Variants in POPDC2 observed in about 807,000 individuals in gnomAD.
POPDC2 encodes the protein popeye domain-containing protein 2.
Under a neutral mutation model 30.5 loss-of-function variants are expected in POPDC2, and 24 were observed. That is an observed-to-expected ratio of 0.79 (90% CI 0.57 to 1.11). POPDC2 has a LOEUF of 1.11. Among genes scored for constraint, POPDC2 ranks in the 50% least tolerant of loss-of-function variants. POPDC2 has a pLI of 0.00. For synonymous variants in POPDC2, 185 were observed against 183.3 expected, an observed-to-expected ratio of 1.01 and a Z score of -0.07; for missense variants, 409 against 447.0, an observed-to-expected ratio of 0.91 and a Z score of 0.77.
At chr3:119,654,675 C>A in intron 1 of POPDC2, 62 bp from the exon 2 acceptor site, 2 of 1,203,720 alleles carry the variant, frequency 1.7e-6, no homozygotes, top group Non-Finnish European at 2.5e-6. Context: ...GCCACCTATG[C>A]TGAAGTTAGG....
upstream of POPDC2, chr3:119,660,667 T>TACTCCCCCCCACA: frequency 4.4e-6 from 1 of 225,414 alleles, no homozygotes; most frequent in Non-Finnish European, 7.8e-6. Flanking sequence ...CCCCCCTCTC[T>TACTCCCCCCCACA]CCTCCCCACC....
At chr3:119,647,500 C>G (rs2052758639) in intron 3 of POPDC2, among the ~76,000 whole-genome samples, 2 of 152,232 alleles carry the variant, frequency 1.3e-5, no homozygotes, top group Non-Finnish European at 2.9e-5. Flanking sequence ...GAAAGCCAGG[C>G]TGCCATATAC....
At chr3:119,659,510 C>A (rs894544251) in intron 1 of POPDC2, among the ~76,000 whole-genome samples, 5 of 152,292 alleles carry the variant, frequency 3.3e-5, no homozygotes, top group African/African-American at 1.2e-4. Context: ...TGGTGCTTAG[C>A]AAATGTTGAA....
chr3:119,648,804 C>T (rs2107815984), intron 2 of POPDC2, 136 bp from the exon 3 acceptor site: 1 of 753,294 alleles, frequency 1.3e-6, no homozygotes, highest in Non-Finnish European at 2.1e-6. Flanking sequence ...CCTCTATGGC[C>T]TTGCCTGGAG....
Position 119,648,340 on chromosome 3 carries a change from C to A in POPDC2, c.929G>T (p.Cys310Phe). Residue 310 changes from cysteine to phenylalanine, a missense_variant, in exon 3 of 4, where the codon TGT becomes TTT. Transcript: ENST00000493094. ...TPTSLQQTPPCSTPPATTNFP... is the reference protein window; with the variant it reads ...TPTSLQQTPPFSTPPATTNFP... ...GTTGGTGGTAGCTGGAGGGGTAGAA[C>A]AAGGGGGTGTTTGCTGGAGAGAGGT... The A allele has an allele frequency of 1.2e-6, 2 of 1,614,028 alleles. No individual in the cohort carries two copies. Among genetic ancestry groups the A allele is most frequent in the Non-Finnish European group, 1.7e-6 (2 of 1,179,972 alleles).
At chr3:119,644,504 C>T (rs1205634595) in intron 3 of POPDC2, among the ~76,000 whole-genome samples, 2 of 152,124 alleles carry the variant, frequency 1.3e-5, no homozygotes, top group Admixed American at 6.5e-5. Context: ...CATAGTTTTG[C>T]CTATTAAGAG....
chr3:119,651,763 G>A (rs1203386079), intron 2 of POPDC2, among the ~76,000 whole-genome samples: 1 of 151,892 alleles, frequency 6.6e-6, no homozygotes, highest in Non-Finnish European at 1.5e-5. Flanking sequence ...AGCCTCCCGA[G>A]TAGCTGGGAT....
At position 119,652,793 on chromosome 3, in the gene POPDC2, C is replaced by G. The variant is rs144797831; in HGVS notation, c.600+1712G>C. Among the ~76,000 whole-genome samples the G allele has an allele frequency of 3.7e-3, 558 of 152,290 alleles. 8 individuals carry two copies. Among genetic ancestry groups the G allele is most frequent in the African/African-American group, 0.013 (530 of 41,556 alleles). On this transcript the variant is annotated intron_variant, in intron 2 of 3. Coordinates refer to ENST00000493094, the MANE Select transcript of POPDC2 (RefSeq NM_001369919.2). ...TGGAAGTGGATCTGTGGCTGGTGAC[C>G]CTGGCAGTGGGATCAGGACTGCCTC... is the stretch of plus-strand genomic sequence containing the variant.
intron 3 of POPDC2, among the ~76,000 whole-genome samples, chr3:119,644,070 T>TA (rs11427925): frequency 0.22 from 32,729 of 152,132 alleles, 3,651 homozygotes; most frequent in South Asian, 0.36. Context: ...ATATAGTAAA[T>TA]AGTGTTTATT....
At chr3:119,652,674 C>T (rs977418682) in intron 2 of POPDC2, among the ~76,000 whole-genome samples, 1 of 152,128 alleles carries the variant, frequency 6.6e-6, no homozygotes, top group Non-Finnish European at 1.5e-5. Context: ...ACTGAGCCCT[C>T]CTGGAGGTTC....
chr3:119,655,191 G>A (rs1364674982), intron 1 of POPDC2, among the ~76,000 whole-genome samples: 2 of 151,920 alleles, frequency 1.3e-5, no homozygotes, highest in East Asian at 3.9e-4. Context: ...AGCCAGGTAT[G>A]GTGGCGGGTG....
At chr3:119,649,048 A>C in intron 2 of POPDC2, among the ~76,000 whole-genome samples, 1 of 152,234 alleles carries the variant, frequency 6.6e-6, no homozygotes, top group African/African-American at 2.4e-5. Flanking sequence ...TTGTGCTCTG[A>C]AGAGTGGTTG....
chr3:119,657,356 G>C (rs1408366908), intron 1 of POPDC2, among the ~76,000 whole-genome samples: 1 of 152,138 alleles, frequency 6.6e-6, no homozygotes, highest in Admixed American at 6.5e-5. Flanking sequence ...AGGTATACAT[G>C]CGTGTATACA....
intron 1 of POPDC2, among the ~76,000 whole-genome samples, chr3:119,655,891 C>T (rs183523579): frequency 7.2e-5 from 11 of 152,262 alleles, no homozygotes; most frequent in Non-Finnish European, 1.0e-4. Context: ...CCTCTCTAAC[C>T]GTAGGTGACA....
At chr3:119,655,291 C>T (rs1040734897) in intron 1 of POPDC2, among the ~76,000 whole-genome samples, 1 of 152,160 alleles carries the variant, frequency 6.6e-6, no homozygotes, top group African/African-American at 2.4e-5. Context: ...CACACCACTG[C>T]ACTCCAGCCT....
chr3:119,648,116 T>G lies in POPDC2; in HGVS notation c.*43+3A>C, dbSNP rs2052765147. ...GTGCAGCGGCTGCCTTCTGAGTACT[T>G]ACATAGGATCCTGAGCCGGTGGCTG... On this transcript the variant is annotated splice_donor_region_variant and intron_variant, in intron 3 of 3. Coordinates refer to ENST00000493094, the MANE Select transcript of POPDC2 (RefSeq NM_001369919.2). The G allele has an allele frequency of 6.9e-7, 1 of 1,455,550 alleles. No homozygotes were observed. The highest frequency in any genetic ancestry group is 1.4e-5 in the South Asian group (1 of 70,732). The allele number at this position is 1,455,550 out of a possible 1,614,324, so 90.2% of individuals were successfully genotyped here. A position where few individuals can be genotyped will look rare whatever the true frequency, so the allele number is the denominator to read the frequency against.
intron 3 of POPDC2, 84 bp downstream of exon 3, chr3:119,648,035 A>G: frequency 8.8e-7 from 1 of 1,140,778 alleles, no homozygotes; most frequent in South Asian, 1.8e-5. Flanking sequence ...GAAATGTTCC[A>G]CGAATGATTT....
At chr3:119,655,609 T>A (rs1052164601) in intron 1 of POPDC2, among the ~76,000 whole-genome samples, 1 of 152,224 alleles carries the variant, frequency 6.6e-6, no homozygotes, top group Non-Finnish European at 1.5e-5. Context: ...TTGAAGGAAG[T>A]GGCAAGTCTA....
At chr3:119,660,626 CT>C (rs1446837425), upstream of POPDC2, 1 of 519,620 alleles carries the variant, frequency 1.9e-6, no homozygotes, top group Non-Finnish European at 3.3e-6. Flanking sequence ...TTAAAAACCT[CT>C]TTCTCTCTCT....
Sources: allele counts gnomAD v4.1 joint callset (sites outside exome capture counted in the v4.1 genomes callset), GRCh38; gene constraint gnomAD v4.1.1; transcripts MANE v1.5; gene names NCBI Gene and HGNC (gene_info 2026-07-23, HGNC 2026-07-21).